The following MYOM3 variants were observed in gnomAD, a reference collection of about 807,000 sequenced individuals.
The protein encoded by MYOM3 is myomesin-3.
MYOM3 carries 155 observed loss-of-function variants against 191.7 expected under a neutral mutation model. That is an observed-to-expected ratio of 0.81 (90% confidence interval 0.71 to 0.92). MYOM3 has a LOEUF of 0.92. Among genes scored for constraint, MYOM3 ranks in the 40% least tolerant of loss-of-function variants. MYOM3 has a pLI of 0.00. For missense variants in MYOM3, 1,889 were observed against 1,890.6 expected, an observed-to-expected ratio of 1.00 and a Z score of 0.02; for synonymous variants, 757 against 762.9, an observed-to-expected ratio of 0.99 and a Z score of 0.13.
At position 24,089,586 on chromosome 1, in the gene MYOM3, C is replaced by G; in HGVS notation, c.1566G>C (p.Glu522Asp). 1 of 1,596,950 alleles carries G rather than the reference C, an allele frequency of 6.3e-7. No individual in the cohort carries two copies. Among genetic ancestry groups the G allele is most frequent in the South Asian group, 1.1e-5 (1 of 87,882 alleles). Residue 522 changes from glutamate to aspartate, a missense_variant, in exon 14 of 37, where the codon GAG (glutamate) becomes GAC (aspartate). Transcript: ENST00000374434. Reference sequence around the variant, plus strand: ...GTGCTCTGTCCCGGGGGCTGGGCTCCTCCCAGGCCAGAACCACATAGGCCT... The same window carrying G: ...GTGCTCTGTCCCGGGGGCTGGGCTCGTCCCAGGCCAGAACCACATAGGCCT... ...IREAYVVLAW[E>D]EPSPRDRAPL...
At chr1:24,099,890 C>T (rs947224853) in intron 5 of MYOM3, 115 bp from the exon 6 acceptor site, 2 of 766,200 alleles carry the variant, frequency 2.6e-6, no homozygotes, top group East Asian at 2.6e-5. Context: ...TTTTTTGAGA[C>T]GGAGTTTTGC....
At chr1:24,094,077 C>G (rs1389294617) in intron 9 of MYOM3, among the ~76,000 whole-genome samples, 2 of 152,104 alleles carry the variant, frequency 1.3e-5, no homozygotes, top group South Asian at 2.1e-4. Flanking sequence ...AAGTCCGATG[C>G]AACTGTTGCA....
chr1:24,075,856 G>A (rs1265518652), intron 21 of MYOM3, among the ~76,000 whole-genome samples: 3 of 152,156 alleles, frequency 2.0e-5, no homozygotes, highest in African/African-American at 4.8e-5. Flanking sequence ...TGCAATGTGC[G>A]CATCACCAAA....
intron 16 of MYOM3, chr1:24,083,557 TC>T (rs1643700158): frequency 6.6e-6 from 1 of 152,256 alleles, no homozygotes; most frequent in Non-Finnish European, 1.5e-5. Context: ...AAACTCCCTT[TC>T]CTATATACAT....
At position 24,097,946 on chromosome 1, in the gene MYOM3, G is replaced by GA. The variant is rs769658498; in HGVS notation, c.721dup (p.Ser241PhefsTer44). 6 of 1,613,824 alleles carry GA rather than the reference G, an allele frequency of 3.7e-6. No homozygotes were observed. The highest frequency in any genetic ancestry group is 1.3e-5 in the African/African-American group (1 of 75,058). ...ACTGCGGACGAGGACTTTGGCGAAG[G>GA]AGGAGGCCTGGCCGTGGGCGTTCTT... On this transcript the variant is annotated frameshift_variant, in exon 7 of 37. Transcript: ENST00000374434. LOFTEE classifies it high-confidence loss of function.
chr1:24,065,305 A>G (rs1306512764), intron 29 of MYOM3, among the ~76,000 whole-genome samples: 1 of 152,214 alleles, frequency 6.6e-6, no homozygotes, highest in Non-Finnish European at 1.5e-5. Context: ...CACAGACATC[A>G]GCAGCAGGGC....
intron 1 of MYOM3, among the ~76,000 whole-genome samples, chr1:24,109,161 C>T (rs1282582924): frequency 6.6e-6 from 1 of 152,242 alleles, no homozygotes; most frequent in Non-Finnish European, 1.5e-5. Flanking sequence ...CCCTTCCCCT[C>T]CTCCTGGCCC....
chr1:24,095,073 G>A (rs375153420), intron 8 of MYOM3, 83 bp from the exon 9 acceptor site: 20 of 1,439,250 alleles, frequency 1.4e-5, no homozygotes, highest in African/African-American at 8.4e-5. Flanking sequence ...AATTTCTGGG[G>A]CATCCCTTCT....
At chr1:24,070,586 TCAAAAACAAA>T (rs999242930) in intron 25 of MYOM3, among the ~76,000 whole-genome samples, 1 of 151,750 alleles carries the variant, frequency 6.6e-6, no homozygotes, top group Non-Finnish European at 1.5e-5. Flanking sequence ...AGGTTCTGTC[TCAAAAACAAA>T]CAAAAACAGA....
rs548038923 is a variant in MYOM3, at chr1:24,059,553, G to A, written c.3995-574C>T. 2.6e-5 allele frequency among the ~76,000 whole-genome samples: 4 copies of A among 152,340 alleles called. No individual in the cohort carries two copies. The South Asian group carries it at 8.3e-4, about 32-fold the overall frequency. ...TCATTTGCTATGATTGGTGGTACCT[G>A]GAGGTGACCATGAGATGCTCCTGCC... On this transcript the variant is annotated intron_variant, in intron 35 of 36. Coordinates refer to ENST00000374434, the MANE Select transcript of MYOM3 (RefSeq NM_152372.4).
intron 23 of MYOM3, 131 bp from the exon 24 acceptor site, chr1:24,072,144 G>A (rs59491286): frequency 0.12 from 102,510 of 849,176 alleles, 7,331 homozygotes; most frequent in East Asian, 0.32. Flanking sequence ...CCCGACCTTG[G>A]GGTTCCTTGG....
In MYOM3 at chr1:24,086,780, A is replaced by G. The variant is rs374113393; in HGVS notation, c.1662T>C (p.Pro554=). 1.4e-5 allele frequency: 23 copies of G among 1,614,016 alleles called. No homozygotes were observed. The East Asian group carries it at 4.2e-4, about 30-fold the overall frequency. Residue 554 remains proline, a synonymous_variant, in exon 15 of 37, where the codon CCT becomes CCC. Transcript: ENST00000374434. ...GAACGGCGAATCTCGGGGATCTCAC[A>G]GGGCTTTCCGAGCTGATGGCCTCCC... The part of the protein sequence containing the change: ...GTWEAISSES[P]VRSPRFAVLD...
In MYOM3 at chr1:24,081,327, C is replaced by T. The variant is rs1643665371; in HGVS notation, c.2407+3G>A. Reference sequence around the variant, plus strand: ...CTGGACTTCAGGCCTGCAGGCCTCTCACCTGGCTGGGGCATTGTCCACTCT... The same window carrying T: ...CTGGACTTCAGGCCTGCAGGCCTCTTACCTGGCTGGGGCATTGTCCACTCT... On this transcript the variant is annotated splice_donor_region_variant and intron_variant, in intron 19 of 36. Coordinates refer to ENST00000374434, the MANE Select transcript of MYOM3 (RefSeq NM_152372.4). 6.2e-7 allele frequency: 1 copy of T among 1,613,448 alleles called. No homozygotes were observed. The highest frequency in any genetic ancestry group is 1.3e-5 in the African/African-American group (1 of 74,922).
intron 4 of MYOM3, 142 bp downstream of exon 4, chr1:24,106,931 A>T: frequency 1.3e-6 from 1 of 792,940 alleles, no homozygotes; most frequent in Non-Finnish European, 1.9e-6. Context: ...GGGTCACACC[A>T]CTGGAATGTA....
At chr1:24,102,464 C>T (rs144900862) in intron 5 of MYOM3, among the ~76,000 whole-genome samples, 2,602 of 152,288 alleles carry the variant, frequency 0.017, 108 homozygotes, top group Admixed American at 0.096. Context: ...CTCACCCCTC[C>T]CTCTCTCTGG....
Position 24,082,098 on chromosome 1 carries a change from C to T in MYOM3, c.2183G>A (p.Gly728Asp), listed in dbSNP as rs778015397. The part of the protein sequence containing the change: ...IGWKPPKRRG[G>D]GKILGYFLDQ... ...CAGGAAGTAGCCCAGGATCTTGCCACCTCCACGACGCTTGGGGGGTTTCCA... is the reference window on the plus strand; with the variant it reads ...CAGGAAGTAGCCCAGGATCTTGCCATCTCCACGACGCTTGGGGGGTTTCCA... Residue 728 changes from glycine to aspartate, a missense_variant, in exon 18 of 37, where the codon GGT (glycine) becomes GAT (aspartate). Transcript: ENST00000374434. 3 of 1,613,608 alleles carry T rather than the reference C, an allele frequency of 1.9e-6. No individual in the cohort carries two copies. Among genetic ancestry groups the T allele is most frequent in the Non-Finnish European group, 2.5e-6 (3 of 1,179,992 alleles).
chr1:24,061,865 T>G (rs1013831905), intron 33 of MYOM3, 81 bp downstream of exon 33: 2 of 1,500,298 alleles, frequency 1.3e-6, no homozygotes, highest in Non-Finnish European at 1.8e-6. Flanking sequence ...GTGCTGGGAT[T>G]ACAGGACTGA....
chr1:24,100,305 T>C (rs1177463392), intron 5 of MYOM3, among the ~76,000 whole-genome samples: 1 of 152,210 alleles, frequency 6.6e-6, no homozygotes, highest in Non-Finnish European at 1.5e-5. Context: ...GACAATTAAA[T>C]GGGATGGGCT....
At position 24,082,185 on chromosome 1, in the gene MYOM3, G is replaced by T. The variant is rs757668044; in HGVS notation, c.2096C>A (p.Thr699Asn). The T allele has an allele frequency of 1.2e-5, 20 of 1,605,992 alleles. No homozygotes were observed. Among genetic ancestry groups the T allele is most frequent in the Admixed American group, 3.4e-5 (2 of 59,390 alleles). ...EPIRVKQALA[T>N]PSAPYGFALL... The stretch of plus-strand genomic sequence containing the variant: ...GGCAAAGCCATATGGGGCAGACGGG[G>T]TAGCTACAGGGAGGTAAGGAGGTGA... The change falls in exon 18 of 37, where the codon ACC (threonine) becomes AAC (asparagine). Residue 699 changes from threonine to asparagine, a missense_variant. Thr to Asn is a moderately conservative substitution (Grantham distance 65). Transcript: ENST00000374434.
Sources: gnomAD v4.1 joint callset for allele counts (sites outside exome capture counted in the v4.1 genomes callset) on GRCh38, gnomAD v4.1.1 for gene constraint, MANE v1.5 for transcripts, NCBI Gene and HGNC (gene_info 2026-07-23, HGNC 2026-07-21) for gene names.